The following ELP3 variants were observed in gnomAD, a reference collection of about 807,000 sequenced individuals.
ELP3 encodes elongator acetyltransferase complex subunit 3.
A neutral mutation model predicts 74.9 loss-of-function variants in ELP3; 56 were observed. That is an observed-to-expected ratio of 0.75 (90% CI 0.60 to 0.93). The LOEUF is 0.93. ELP3 is among the 40% of genes least tolerant of loss of function. The pLI is 0.00. For synonymous variants in ELP3, 222 were observed against 239.8 expected, an observed-to-expected ratio of 0.93 and a Z score of 0.68; for missense variants, 573 against 686.5, an observed-to-expected ratio of 0.83 and a Z score of 1.85.
intron 3 of ELP3, among the ~76,000 whole-genome samples, chr8:28,106,097 G>T (rs1437471540): frequency 1.1e-4 from 16 of 152,190 alleles, no homozygotes; most frequent in Non-Finnish European, 2.9e-5. Context: ...GAAAGACTAA[G>T]AATCACTTTG....
chr8:28,094,741 CAAAAAG>C (rs922708516), intron 1 of ELP3, among the ~76,000 whole-genome samples: 6 of 144,742 alleles, frequency 4.1e-5, no homozygotes, highest in East Asian at 4.1e-4. Flanking sequence ...GACTCTGTCT[CAAAAAG>C]AAAAAGAAAA....
intron 5 of ELP3, among the ~76,000 whole-genome samples, chr8:28,109,214 A>G (rs1426939294): frequency 6.6e-6 from 1 of 152,200 alleles, no homozygotes; most frequent in Admixed American, 6.5e-5. Context: ...ATGTAGAGAA[A>G]GGGTTAGAGT....
At chr8:28,102,838 A>G (rs1019711115) in intron 3 of ELP3, among the ~76,000 whole-genome samples, 1 of 152,166 alleles carries the variant, frequency 6.6e-6, no homozygotes, top group Non-Finnish European at 1.5e-5. Context: ...TGTATCCACT[A>G]TTACTGTGTC....
Position 28,160,228 on chromosome 8 carries a change from G to C in ELP3, c.1258-1G>C, listed in dbSNP as rs749946138. The C allele has an allele frequency of 3.1e-6, 5 of 1,610,712 alleles. No individual in the cohort carries two copies. The highest frequency in any genetic ancestry group is 3.4e-6 in the Non-Finnish European group (4 of 1,178,222). ...ATTTTTTGTGGCTTTTTACTAAATA[G>C]GTTGAATTGGTAAGGAGAGATTATG... On this transcript the variant is annotated splice_acceptor_variant, in intron 12 of 14. Transcript: ENST00000256398. LOFTEE classifies it high-confidence loss of function.
chr8:28,168,952 C>T (rs1167059921), intron 14 of ELP3, among the ~76,000 whole-genome samples: 1 of 152,166 alleles, frequency 6.6e-6, no homozygotes, highest in Non-Finnish European at 1.5e-5. Flanking sequence ...TTTGTGGAGC[C>T]TTTTAGTTTA....
At chr8:28,154,088 A>G (rs931697937) in intron 10 of ELP3, among the ~76,000 whole-genome samples, 3 of 152,188 alleles carry the variant, frequency 2.0e-5, no homozygotes, top group Admixed American at 6.5e-5. Flanking sequence ...GAGAAATTAC[A>G]TGTGTTAGGT....
intron 14 of ELP3, among the ~76,000 whole-genome samples, chr8:28,185,994 C>T (rs929759371): frequency 1.3e-5 from 2 of 152,186 alleles, no homozygotes; most frequent in African/African-American, 4.8e-5. Flanking sequence ...TTTTAGTTAA[C>T]AAGTAACAGA....
intron 14 of ELP3, chr8:28,183,172 G>C (rs1000848905): frequency 1.8e-5 from 8 of 456,194 alleles, no homozygotes; most frequent in African/African-American, 1.4e-4. Flanking sequence ...AAATAAACAG[G>C]CTTGTTTTCT....
chr8:28,122,950 C>T (rs1269791184), intron 7 of ELP3, among the ~76,000 whole-genome samples: 1 of 152,100 alleles, frequency 6.6e-6, no homozygotes, highest in Non-Finnish European at 1.5e-5. Flanking sequence ...ATGGCAAAAC[C>T]CCGTCTCTAC....
intron 14 of ELP3, among the ~76,000 whole-genome samples, chr8:28,175,098 C>G (rs1011364801): frequency 1.3e-5 from 2 of 152,152 alleles, no homozygotes; most frequent in Admixed American, 6.5e-5. Context: ...CAGTTTGACT[C>G]ATATTGTGAT....
At chr8:28,184,009 G>A in intron 14 of ELP3, among the ~76,000 whole-genome samples, 1 of 152,194 alleles carries the variant, frequency 6.6e-6, no homozygotes, top group East Asian at 1.9e-4. Context: ...GCTAACAAAA[G>A]GAAAGTTACT....
At chr8:28,111,217 T>C (rs1811903655) in intron 6 of ELP3, among the ~76,000 whole-genome samples, 1 of 152,198 alleles carries the variant, frequency 6.6e-6, no homozygotes, top group Non-Finnish European at 1.5e-5. Flanking sequence ...ATCTATCAGC[T>C]CTCATCCATT....
At chr8:28,121,616 G>A (rs1383053271) in intron 7 of ELP3, among the ~76,000 whole-genome samples, 1 of 151,954 alleles carries the variant, frequency 6.6e-6, no homozygotes, top group African/African-American at 2.4e-5. Context: ...CACCACGCCC[G>A]GCCATAAATT....
Position 28,137,707 on chromosome 8 carries a change from G to C in ELP3, c.916G>C (p.Glu306Gln). The change falls in exon 10 of 15, where the codon GAG becomes CAG. Residue 306 changes from glutamate to glutamine, a missense_variant. Transcript: ENST00000256398. Reference protein sequence around the residue: ...RDIEQFTEFFENPAFRPDGLK... With the variant: ...RDIEQFTEFFQNPAFRPDGLK... ...TGTTCTCTATTCACAGGAGTTTTTT[G>C]AGAACCCTGCTTTTCGTCCCGATGG... 1 of 1,611,538 alleles carries C rather than the reference G, an allele frequency of 6.2e-7. No homozygotes were observed. The highest frequency in any genetic ancestry group is 8.5e-7 in the Non-Finnish European group (1 of 1,179,352).
intron 14 of ELP3, chr8:28,183,222 G>T (rs1286432227): frequency 1.1e-5 from 5 of 462,508 alleles, no homozygotes; most frequent in South Asian, 4.6e-5. Context: ...AGAGGCAGAG[G>T]GGAGGCCACC....
At chr8:28,183,341 AG>A in intron 14 of ELP3, 1 of 413,144 alleles carries the variant, frequency 2.4e-6, no homozygotes, top group Non-Finnish European at 4.8e-6. Flanking sequence ...CCTACAGAGT[AG>A]GGAAAAGGTC....
intron 7 of ELP3, among the ~76,000 whole-genome samples, chr8:28,116,428 T>C (rs1194596558): frequency 1.3e-5 from 2 of 152,192 alleles, no homozygotes; most frequent in Non-Finnish European, 2.9e-5. Context: ...GGCGACTGCA[T>C]TGTTACTGCT....
At chr8:28,099,207 GT>G (rs1214563366) in intron 2 of ELP3, among the ~76,000 whole-genome samples, 1 of 152,012 alleles carries the variant, frequency 6.6e-6, no homozygotes, top group Non-Finnish European at 1.5e-5. Flanking sequence ...GCTGGTAAAA[GT>G]TTTTTTTAAA....
At chr8:28,134,824 C>T (rs1410692049) in intron 9 of ELP3, among the ~76,000 whole-genome samples, 1 of 151,750 alleles carries the variant, frequency 6.6e-6, no homozygotes, top group Non-Finnish European at 1.5e-5. Context: ...TATGCATTGC[C>T]TCTGTTTCCT....
Sources: allele counts gnomAD v4.1 joint callset (sites outside exome capture counted in the v4.1 genomes callset), GRCh38; gene constraint gnomAD v4.1.1; transcripts MANE v1.5; gene names NCBI Gene and HGNC (gene_info 2026-07-23, HGNC 2026-07-21).